Variants in NRXN1 observed in about 807,000 individuals in gnomAD.
NRXN1 encodes the protein neurexin 1.
A neutral mutation model predicts 150.9 loss-of-function variants in NRXN1; 39 were observed. The ratio of observed to expected loss-of-function variants is 0.26; its 90% CI spans 0.20 to 0.34. The LOEUF (loss-of-function observed/expected upper bound fraction) is 0.34, where lower values mean the gene tolerates loss of function less well. NRXN1 is among the 10% of genes least tolerant of loss of function. The pLI is 1.00. For synonymous variants in NRXN1, 924 were observed against 757.0 expected, an observed-to-expected ratio of 1.22 and a Z score of -3.62; for missense variants, 1,815 against 1,949.9, an observed-to-expected ratio of 0.93 and a Z score of 1.30.
chr2:50,867,585 C>A (rs1332083868), intron 5 of NRXN1, among the ~76,000 whole-genome samples: 1 of 151,520 alleles, frequency 6.6e-6, no homozygotes, highest in Non-Finnish European at 1.5e-5. Flanking sequence ...TTTCCTGCTC[C>A]ATTGGAGAGA....
chr2:50,494,476 G>T (rs57630221), intron 15 of NRXN1, among the ~76,000 whole-genome samples: 201 of 152,264 alleles, frequency 1.3e-3, no homozygotes, highest in African/African-American at 4.8e-3. Flanking sequence ...GGAATAAAGA[G>T]AAAGAGGTTT....
At chr2:50,230,094 C>T (rs1008409744) in intron 18 of NRXN1, among the ~76,000 whole-genome samples, 77 of 152,048 alleles carry the variant, frequency 5.1e-4, no homozygotes, top group Non-Finnish European at 1.2e-4. Flanking sequence ...GGAATTGTTT[C>T]TGCAACTCTT....
intron 17 of NRXN1, among the ~76,000 whole-genome samples, chr2:50,311,901 T>A (rs1334328106): frequency 1.3e-5 from 2 of 152,018 alleles, no homozygotes; most frequent in African/African-American, 4.8e-5. Context: ...ACCTACACAA[T>A]TGGAGGAATA....
chr2:50,553,415 C>G lies in NRXN1; in HGVS notation c.1321-390G>C, dbSNP rs552081951. ...TGATATTTTTAAAATTAAATATAAG[C>G]ACTGAGGTTATTCAGTTTTCCCATC... On this transcript the variant is annotated intron_variant, in intron 8 of 22. Transcript: ENST00000401669. Among the ~76,000 whole-genome samples, 10 of 152,250 alleles carry G rather than the reference C, an allele frequency of 6.6e-5. No individual in the cohort carries two copies. The East Asian group carries it at 1.9e-3, about 29-fold the overall frequency.
At chr2:50,745,378 C>T (rs1574325212) in intron 5 of NRXN1, among the ~76,000 whole-genome samples, 1 of 148,254 alleles carries the variant, frequency 6.7e-6, no homozygotes, top group Admixed American at 6.8e-5. Flanking sequence ...CTCCCCTCCC[C>T]TCCCTTCCCT....
intron 18 of NRXN1, among the ~76,000 whole-genome samples, chr2:50,212,731 A>C (rs2063124923): frequency 6.6e-6 from 1 of 151,890 alleles, no homozygotes; most frequent in East Asian, 1.9e-4. Context: ...AGAAAAACCA[A>C]GGGAAAGGAA....
chr2:50,238,559 A>C (rs2065687786), intron 17 of NRXN1, among the ~76,000 whole-genome samples: 1 of 152,050 alleles, frequency 6.6e-6, no homozygotes, highest in Non-Finnish European at 1.5e-5. Flanking sequence ...TTATGTGTAA[A>C]AGTTGTGTGT....
chr2:50,783,114 G>A (rs776563339), intron 5 of NRXN1, among the ~76,000 whole-genome samples: 9 of 152,108 alleles, frequency 5.9e-5, no homozygotes, highest in Non-Finnish European at 8.8e-5. Context: ...TCAAGATCAT[G>A]CATGTAGTAA....
At chr2:50,325,246 C>T (rs1036608169) in intron 17 of NRXN1, among the ~76,000 whole-genome samples, 5 of 152,168 alleles carry the variant, frequency 3.3e-5, no homozygotes, top group Non-Finnish European at 7.3e-5. Flanking sequence ...TGAATCTTAA[C>T]TAAGTAAAGA....
chr2:50,277,901 A>C (rs2070769263), intron 17 of NRXN1, among the ~76,000 whole-genome samples: 1 of 151,840 alleles, frequency 6.6e-6, no homozygotes, highest in Non-Finnish European at 1.5e-5. Flanking sequence ...TTATCATACT[A>C]TTAGGGGAAA....
chr2:50,781,533 A>T (rs1704348594), intron 5 of NRXN1, among the ~76,000 whole-genome samples: 1 of 152,222 alleles, frequency 6.6e-6, no homozygotes, highest in Non-Finnish European at 1.5e-5. Context: ...TCAGCACTCA[A>T]ACTTGGTTCC....
intron 5 of NRXN1, among the ~76,000 whole-genome samples, chr2:50,650,338 G>T (rs887071984): frequency 1.3e-5 from 2 of 152,066 alleles, no homozygotes; most frequent in African/African-American, 4.8e-5. Flanking sequence ...TGATAACACA[G>T]CACATTGTTT....
intron 17 of NRXN1, among the ~76,000 whole-genome samples, chr2:50,371,286 A>G (rs550363630): frequency 1.1e-4 from 16 of 152,152 alleles, no homozygotes; most frequent in Non-Finnish European, 1.9e-4. Context: ...TTGAGACTTA[A>G]GAACATGTTG....
chr2:50,640,086 A>C (rs568763550), intron 5 of NRXN1, among the ~76,000 whole-genome samples: 1 of 152,304 alleles, frequency 6.6e-6, no homozygotes, highest in African/African-American at 2.4e-5. Flanking sequence ...TCTAGTATTC[A>C]TAAGTTGTCA....
chr2:50,226,311 T>C (rs1383519774), intron 18 of NRXN1, among the ~76,000 whole-genome samples: 1 of 152,002 alleles, frequency 6.6e-6, no homozygotes, highest in African/African-American at 2.4e-5. Flanking sequence ...AACTTTTAAG[T>C]GTGCTTTTAC....
intron 17 of NRXN1, among the ~76,000 whole-genome samples, chr2:50,285,868 C>CAA (rs58298457): frequency 0.2 from 29,612 of 144,454 alleles, 3,163 homozygotes; most frequent in East Asian, 0.36. Context: ...TTTTGAAAAA[C>CAA]AAAAAAAAAA....
At chr2:50,674,035 C>T (rs1453418970) in intron 5 of NRXN1, among the ~76,000 whole-genome samples, 3 of 151,864 alleles carry the variant, frequency 2.0e-5, no homozygotes, top group African/African-American at 4.8e-5. Context: ...CACCATGGCA[C>T]GTGTATACCT....
chr2:50,720,165 C>G (rs984616122), intron 5 of NRXN1, among the ~76,000 whole-genome samples: 6 of 151,850 alleles, frequency 4.0e-5, no homozygotes, highest in African/African-American at 1.5e-4. Context: ...TTCTGTATAA[C>G]TGACACACAG....
Position 50,347,664 on chromosome 2 carries a change from T to C in NRXN1, c.3365-110694A>G. ...GAAGAGTGCGCCCTTCTGAAGGAAG[T>C]GGGAATCGAACGGCGGAAAGGCAGC... On this transcript the variant is annotated intron_variant, in intron 17 of 22. Coordinates refer to ENST00000401669, the MANE Select transcript of NRXN1 (RefSeq NM_001330078.2). This position sits in a 1 kb window ranked among gnomAD's most constrained non-coding sequence, Gnocchi z 4.9. The C allele has an allele frequency of 1.0e-6, 1 of 985,192 alleles. No individual in the cohort carries two copies. The highest frequency in any genetic ancestry group is 4.7e-5 in the South Asian group (1 of 21,400). 61.0% of individuals were successfully genotyped at this position (985,192 alleles called of 1,614,324 possible).
Sources: allele counts gnomAD v4.1 joint callset (sites outside exome capture counted in the v4.1 genomes callset), GRCh38; gene constraint gnomAD v4.1.1; non-coding constraint Gnocchi (gnomAD v3.1); transcripts MANE v1.5; gene names NCBI Gene and HGNC (gene_info 2026-07-23, HGNC 2026-07-21).